TRHDE: variants seen among roughly 807,000 people sequenced by gnomAD.
TRHDE encodes the protein thyrotropin-releasing hormone-degrading ectoenzyme.
TRHDE carries 72 observed loss-of-function variants against 125.7 expected under a neutral mutation model. The ratio of observed to expected loss-of-function variants is 0.57; its 90% confidence interval spans 0.47 to 0.70. The LOEUF is 0.70. Among genes scored for constraint, TRHDE ranks in the 30% least tolerant of loss-of-function variants. TRHDE has a pLI of 0.00. For synonymous variants in TRHDE, 509 were observed against 509.1 expected, an observed-to-expected ratio of 1.00 and a Z score of 0.00; for missense variants, 1,110 against 1,327.1, an observed-to-expected ratio of 0.84 and a Z score of 2.54.
intron 2 of TRHDE, among the ~76,000 whole-genome samples, chr12:72,321,264 G>C (rs1018727586): frequency 5.9e-5 from 9 of 152,186 alleles, no homozygotes; most frequent in Non-Finnish European, 1.3e-4. Flanking sequence ...ATGCCCTGAA[G>C]AAGAGGCAGC....
intron 2 of TRHDE, among the ~76,000 whole-genome samples, chr12:72,355,172 GA>G (rs1870758749): frequency 6.6e-6 from 1 of 151,486 alleles, no homozygotes; most frequent in African/African-American, 2.4e-5. Flanking sequence ...TATTCGTTAT[GA>G]AAAATTAGGA....
chr12:72,212,454 T>C (rs1411056723), intron 2 of TRHDE, among the ~76,000 whole-genome samples: 4 of 152,058 alleles, frequency 2.6e-5, no homozygotes, highest in Non-Finnish European at 5.9e-5. Flanking sequence ...TAAAATGTTA[T>C]CAAACCACAT....
intron 2 of TRHDE, among the ~76,000 whole-genome samples, chr12:72,355,363 A>G (rs1226567675): frequency 1.3e-5 from 2 of 151,564 alleles, no homozygotes; most frequent in Admixed American, 6.6e-5. Flanking sequence ...TACCATGCAT[A>G]CCTTGTAGGC....
chr12:72,329,975 A>G (rs1869511311), intron 2 of TRHDE, among the ~76,000 whole-genome samples: 1 of 152,214 alleles, frequency 6.6e-6, no homozygotes, highest in Non-Finnish European at 1.5e-5. Context: ...CAAAAAAGAT[A>G]AATTGATCCG....
intron 2 of TRHDE, among the ~76,000 whole-genome samples, chr12:72,376,172 C>T (rs989444190): frequency 3.3e-5 from 5 of 152,160 alleles, no homozygotes; most frequent in Non-Finnish European, 1.5e-5. Flanking sequence ...AACTCACCAG[C>T]GTAATTCACA....
At chr12:72,392,238 C>T (rs1271613275) in intron 3 of TRHDE, among the ~76,000 whole-genome samples, 1 of 152,090 alleles carries the variant, frequency 6.6e-6, no homozygotes, top group Non-Finnish European at 1.5e-5. Context: ...GACTAATACA[C>T]CTATGTAAGG....
chr12:72,116,922 C>T (rs1456784264), intron 2 of TRHDE, among the ~76,000 whole-genome samples: 2 of 151,854 alleles, frequency 1.3e-5, no homozygotes, highest in Non-Finnish European at 2.9e-5. Context: ...GATATTTTGC[C>T]CATTTTTAGA....
chr12:72,575,252 C>T lies in TRHDE; in HGVS notation c.2132-3C>T, dbSNP rs1301732282. On this transcript the variant is annotated splice_polypyrimidine_tract_variant and splice_region_variant and intron_variant, in intron 10 of 18. Coordinates refer to ENST00000261180, the MANE Select transcript of TRHDE (RefSeq NM_013381.3). ...AAATCTATCCCAAAAATGCTTTTTTCAGAGCACCACAGAATAACTTATTTG... is the reference window on the plus strand; with the variant it reads ...AAATCTATCCCAAAAATGCTTTTTTTAGAGCACCACAGAATAACTTATTTG... 6 of 1,608,974 alleles carry T rather than the reference C, an allele frequency of 3.7e-6. No individual in the cohort carries two copies. In the South Asian group the frequency reaches 5.6e-5, roughly 15 times the overall value.
intron 2 of TRHDE, chr12:72,253,397 A>T (rs1438036642): frequency 6.6e-6 from 1 of 152,618 alleles, no homozygotes; most frequent in African/African-American, 2.4e-5. Context: ...TTCAGTGGCT[A>T]GAACTTGTAG....
intron 3 of TRHDE, among the ~76,000 whole-genome samples, chr12:72,416,495 C>G (rs192632811): frequency 3.3e-4 from 50 of 151,988 alleles, no homozygotes; most frequent in Admixed American, 8.5e-4. Flanking sequence ...CCAATGTTTA[C>G]TTCTAATAGT....
rs879470193 is a variant in TRHDE, at chr12:72,236,494, C to A, written n.279+130742C>A. 7.5e-3 allele frequency among the ~76,000 whole-genome samples: 1,135 copies of A among 152,074 alleles called. 8 individuals are homozygous for A. Among genetic ancestry groups the A allele is most frequent in the Non-Finnish European group, 0.013 (854 of 67,928 alleles). Reference sequence around the variant, plus strand: ...CAAATATATTATTGACTGATGAAAGCCAGATAGTCCTTTCTCCTCTTAAAA... The same window carrying A: ...CAAATATATTATTGACTGATGAAAGACAGATAGTCCTTTCTCCTCTTAAAA... On this transcript the variant is annotated intron_variant and non_coding_transcript_variant, in intron 2 of 4. Coordinates refer to the TRHDE transcript ENST00000548156.
chr12:72,655,420 A>G (rs1874669072), intron 17 of TRHDE, among the ~76,000 whole-genome samples: 2 of 152,028 alleles, frequency 1.3e-5, no homozygotes, highest in Non-Finnish European at 2.9e-5. Context: ...TGCACAAACC[A>G]TGTCTTTTCA....
chr12:72,436,333 T>G lies in TRHDE; in HGVS notation c.1316-33425T>G, dbSNP rs569642204. ...AATATAGAGTATGACCAGACTTATT[T>G]CTAATCCTGATAGTATACCAGCTTG... is the stretch of plus-strand genomic sequence containing the variant. On this transcript the variant is annotated intron_variant, in intron 3 of 18. Transcript: ENST00000261180. Among the ~76,000 whole-genome samples the G allele has an allele frequency of 3.3e-5, 5 of 152,146 alleles. No homozygotes were observed. The East Asian group carries it at 9.7e-4, about 29-fold the overall frequency.
chr12:72,652,312 G>T lies in TRHDE; in HGVS notation c.2676-10G>T. ...AATTAACAGAAAACCACCATGGGTT[G>T]CTTCTTTAGAATACCACTAAATGTT... On this transcript the variant is annotated splice_polypyrimidine_tract_variant and intron_variant, in intron 15 of 18. Transcript: ENST00000261180. The T allele has an allele frequency of 3.5e-6, 5 of 1,421,638 alleles. No individual in the cohort carries two copies. Among genetic ancestry groups the T allele is most frequent in the South Asian group, 3.5e-5 (2 of 57,670 alleles). 88.1% of individuals were successfully genotyped at this position (1,421,638 alleles called of 1,614,324 possible). A position where few individuals can be genotyped will look rare whatever the true frequency, so the allele number is the denominator to read the frequency against.
At chr12:72,108,918 T>C (rs545228281) in intron 2 of TRHDE, among the ~76,000 whole-genome samples, 4 of 152,172 alleles carry the variant, frequency 2.6e-5, no homozygotes, top group East Asian at 1.9e-4. Context: ...ATTTGTGTTA[T>C]AGGTCTGCAA....
At chr12:72,293,707 T>C (rs1880177440) in intron 2 of TRHDE, among the ~76,000 whole-genome samples, 1 of 152,196 alleles carries the variant, frequency 6.6e-6, no homozygotes, top group Non-Finnish European at 1.5e-5. Context: ...ACATGTGGCA[T>C]CCTATTGTTA....
At chr12:72,646,674 C>T (rs1874293402) in intron 15 of TRHDE, among the ~76,000 whole-genome samples, 2 of 151,908 alleles carry the variant, frequency 1.3e-5, no homozygotes, top group Admixed American at 1.3e-4. Context: ...CAGAAGAAAG[C>T]AGGTGTAGCT....
At chr12:72,339,587 G>A (rs1869988734) in intron 2 of TRHDE, among the ~76,000 whole-genome samples, 1 of 152,092 alleles carries the variant, frequency 6.6e-6, no homozygotes, top group Non-Finnish European at 1.5e-5. Flanking sequence ...TGTTTCCAAT[G>A]AGCATCTTCT....
At chr12:72,187,593 T>C (rs1165847529) in intron 2 of TRHDE, among the ~76,000 whole-genome samples, 1 of 152,088 alleles carries the variant, frequency 6.6e-6, no homozygotes, top group African/African-American at 2.4e-5. Flanking sequence ...TCAGGAACAC[T>C]GATGTCCTAG....
Sources: gnomAD v4.1 joint callset for allele counts (sites outside exome capture counted in the v4.1 genomes callset) on GRCh38, gnomAD v4.1.1 for gene constraint, MANE v1.5 for transcripts, NCBI Gene and HGNC (gene_info 2026-07-23, HGNC 2026-07-21) for gene names.